The following SDK1 variants were observed in gnomAD, a reference collection of about 807,000 sequenced individuals.
SDK1 encodes the protein protein sidekick-1.
In SDK1, 157 loss-of-function variants were observed where a neutral mutation model predicts 245.5. That is an observed-to-expected ratio of 0.64 (90% CI 0.56 to 0.73). The LOEUF (loss-of-function observed/expected upper bound fraction) is 0.73, where lower values mean the gene tolerates loss of function less well. Ranked by LOEUF, SDK1 falls within the 30% of genes least tolerant of loss-of-function variation. The probability of loss-of-function intolerance (pLI) is 0.00; values close to 1 mark genes in which losing one functional copy is unlikely to be tolerated. For missense variants in SDK1, 3,583 were observed against 3,002.3 expected (o/e 1.19, Z -4.52); for synonymous variants, 1,647 against 1,278.5 (o/e 1.29, Z -6.15).
intron 30 of SDK1, among the ~76,000 whole-genome samples, chr7:4,153,394 T>C (rs1010891656): frequency 3.3e-5 from 5 of 152,278 alleles, no homozygotes; most frequent in South Asian, 2.1e-4. Context: ...GAGCCCATCC[T>C]GGCCGATATG....
At chr7:3,973,504 A>C (rs1782649339) in intron 12 of SDK1, among the ~76,000 whole-genome samples, 1 of 152,210 alleles carries the variant, frequency 6.6e-6, no homozygotes, top group African/African-American at 2.4e-5. Context: ...TTAAATGAGA[A>C]ATAAATGCAA....
Position 3,971,497 on chromosome 7 carries a change from C to T in SDK1, c.1746C>T (p.Asp582=). 6.2e-7 allele frequency: 1 copy of T among 1,613,524 alleles called. No homozygotes were observed. Among genetic ancestry groups the T allele is most frequent in the African/African-American group, 1.3e-5 (1 of 75,016 alleles). The part of the protein sequence containing the change: ...NRTSIVHPPE[D]HVVIKGTTAT... ...CGTCCATCGTCCACCCTCCTGAGGA[C>T]CACGTGGTGATTAAGGGGACCACGG... The change falls in exon 12 of 45, where the codon GAC becomes GAT. Residue 582 remains aspartate (D), a synonymous_variant. Transcript: ENST00000404826.
chr7:3,893,478 T>C (rs1781513401), intron 5 of SDK1, among the ~76,000 whole-genome samples: 1 of 152,070 alleles, frequency 6.6e-6, no homozygotes. Context: ...ATTATTTCAG[T>C]TGGCAGCTCC....
intron 25 of SDK1, among the ~76,000 whole-genome samples, chr7:4,116,592 C>T (rs868572218): frequency 2.0e-5 from 3 of 152,208 alleles, no homozygotes; most frequent in Non-Finnish European, 4.4e-5. Context: ...GCACAGAAGC[C>T]CCCTGGGTTT....
intron 33 of SDK1, 70 bp downstream of exon 33, chr7:4,174,427 C>G: frequency 1.3e-6 from 2 of 1,487,046 alleles, no homozygotes; most frequent in Non-Finnish European, 1.9e-6. Context: ...CTGCTCAGTG[C>G]ACATCATGGT....
At chr7:3,936,477 CGGG>C (rs1562549358) in intron 5 of SDK1, among the ~76,000 whole-genome samples, 3 of 151,386 alleles carry the variant, frequency 2.0e-5, no homozygotes. Flanking sequence ...CCCAGCTACT[CGGG>C]AGGCTGAGGC....
At chr7:3,843,761 T>G (rs1780213674) in intron 5 of SDK1, among the ~76,000 whole-genome samples, 1 of 152,196 alleles carries the variant, frequency 6.6e-6, no homozygotes, top group Non-Finnish European at 1.5e-5. Flanking sequence ...TGCCTGGTTC[T>G]GAGCCTCAGT....
chr7:3,435,321 C>CCTT (rs1779988242), intron 1 of SDK1, among the ~76,000 whole-genome samples: 1 of 56,878 alleles, frequency 1.8e-5, no homozygotes, highest in African/African-American at 9.1e-5. Context: ...AGGGGACTGC[C>CCTT]TTTTTTTTTT....
intron 30 of SDK1, among the ~76,000 whole-genome samples, chr7:4,158,031 G>C (rs2128211189): frequency 6.6e-6 from 1 of 152,282 alleles, no homozygotes; most frequent in African/African-American, 2.4e-5. Flanking sequence ...GGACTTCTCT[G>C]GATCCCTTGG....
chr7:3,842,131 C>T (rs775368759), intron 5 of SDK1, among the ~76,000 whole-genome samples: 16 of 152,194 alleles, frequency 1.1e-4, no homozygotes, highest in Non-Finnish European at 2.4e-4. Context: ...TGTAGTTGTT[C>T]AATACTGTCC....
At chr7:3,311,148 G>T (rs535927441) in intron 1 of SDK1, among the ~76,000 whole-genome samples, 1 of 152,242 alleles carries the variant, frequency 6.6e-6, no homozygotes, top group Admixed American at 6.5e-5. Context: ...TATTAGCCTG[G>T]CTGGGATACA....
chr7:3,494,796 G>A (rs1002202209), intron 1 of SDK1, among the ~76,000 whole-genome samples: 12 of 152,320 alleles, frequency 7.9e-5, no homozygotes, highest in Middle Eastern at 3.4e-3. Context: ...TGATTATGCT[G>A]TGTAACTGAG....
intron 31 of SDK1, among the ~76,000 whole-genome samples, chr7:4,159,072 CGG>C (rs1167625375): frequency 1.3e-5 from 2 of 152,184 alleles, no homozygotes; most frequent in Non-Finnish European, 2.9e-5. Flanking sequence ...CCGCGTCCAG[CGG>C]TGATCACAGG....
intron 30 of SDK1, among the ~76,000 whole-genome samples, chr7:4,152,686 G>A (rs1780464526): frequency 6.6e-6 from 1 of 152,192 alleles, no homozygotes; most frequent in South Asian, 2.1e-4. Context: ...CATGTCACAG[G>A]AGAATCCCAG....
chr7:3,777,052 TG>T (rs1780587903), intron 4 of SDK1, among the ~76,000 whole-genome samples: 1 of 152,208 alleles, frequency 6.6e-6, no homozygotes, highest in South Asian at 2.1e-4. Flanking sequence ...CTGGTAATTG[TG>T]ATGATATTTT....
At chr7:3,664,084 T>C (rs1486431300) in intron 4 of SDK1, among the ~76,000 whole-genome samples, 1 of 152,188 alleles carries the variant, frequency 6.6e-6, no homozygotes, top group Non-Finnish European at 1.5e-5. Context: ...CATTCAATGC[T>C]TGTTGAAACA....
chr7:4,212,305 A>G (rs374695291), intron 38 of SDK1, among the ~76,000 whole-genome samples: 1 of 152,170 alleles, frequency 6.6e-6, no homozygotes, highest in African/African-American at 2.4e-5. Context: ...ATTCATCATT[A>G]TTTTATGAAG....
At chr7:4,149,788 C>T (rs1670690866) in intron 30 of SDK1, among the ~76,000 whole-genome samples, 2 of 152,094 alleles carry the variant, frequency 1.3e-5, no homozygotes, top group Non-Finnish European at 2.9e-5. Context: ...CCTAGCCCCT[C>T]CCAAGGCTGG....
intron 1 of SDK1, among the ~76,000 whole-genome samples, chr7:3,444,881 A>G (rs1392584074): frequency 1.3e-5 from 2 of 152,230 alleles, no homozygotes; most frequent in Non-Finnish European, 2.9e-5. Flanking sequence ...CCAATTTCAC[A>G]AACAAAAATG....
Sources: gnomAD v4.1 joint callset for allele counts (sites outside exome capture counted in the v4.1 genomes callset) on GRCh38, gnomAD v4.1.1 for gene constraint, MANE v1.5 for transcripts, NCBI Gene and HGNC (gene_info 2026-07-23, HGNC 2026-07-21) for gene names.